Variants in IPO11 observed in about 807,000 individuals in gnomAD.
IPO11 encodes importin-11.
A neutral mutation model predicts 143.2 loss-of-function variants in IPO11; 66 were observed. That is an observed-to-expected ratio of 0.46 (90% CI 0.38 to 0.57). IPO11 has a LOEUF of 0.57. IPO11 is among the 20% of genes least tolerant of loss of function. The pLI is 0.00. For missense variants in IPO11, 1,026 were observed against 1,141.0 expected (o/e 0.90, Z 1.45); for synonymous variants, 385 against 377.8 (o/e 1.02, Z -0.22).
At position 62,591,926 on chromosome 5, in the gene IPO11, C is replaced by T. The variant is rs533693106; in HGVS notation, c.2678+254C>T. On this transcript the variant is annotated intron_variant, in intron 28 of 29. Coordinates refer to ENST00000325324, the MANE Select transcript of IPO11 (RefSeq NM_016338.5). The stretch of plus-strand genomic sequence containing the variant: ...GTGCAGTGGTGCGATCTCAGCTAAC[C>T]GCAACCTCCGCCTCCCAGGTTCAAG... Among the ~76,000 whole-genome samples the T allele has an allele frequency of 4.1e-4, 62 of 152,214 alleles. 1 individual carries two copies. The highest frequency in any genetic ancestry group is 1.4e-3 in the African/African-American group (59 of 41,538).
At chr5:62,588,087 C>T (rs377281462) in intron 27 of IPO11, among the ~76,000 whole-genome samples, 4 of 152,304 alleles carry the variant, frequency 2.6e-5, no homozygotes, top group African/African-American at 9.6e-5. Flanking sequence ...CATGGCCTTA[C>T]AGTTGGACTT....
At chr5:62,527,618 A>G (rs1742410433) in intron 21 of IPO11, among the ~76,000 whole-genome samples, 1 of 152,220 alleles carries the variant, frequency 6.6e-6, no homozygotes, top group Admixed American at 6.5e-5. Context: ...TATTACTGAC[A>G]ATATATTAAT....
chr5:62,448,999 T>C (rs1744815335), intron 3 of IPO11, among the ~76,000 whole-genome samples: 1 of 152,288 alleles, frequency 6.6e-6, no homozygotes, highest in African/African-American at 2.4e-5. Flanking sequence ...TGAAAAACCT[T>C]AAAATGAGGC....
At chr5:62,586,198 C>T (rs538065383) in intron 27 of IPO11, among the ~76,000 whole-genome samples, 5 of 152,174 alleles carry the variant, frequency 3.3e-5, no homozygotes, top group South Asian at 4.2e-4. Flanking sequence ...AAACAGTAAA[C>T]GTGTTTATAT....
chr5:62,622,843 A>G (rs1746423734), intron 29 of IPO11, among the ~76,000 whole-genome samples: 3 of 152,248 alleles, frequency 2.0e-5, no homozygotes, highest in African/African-American at 7.2e-5. Context: ...CATGAAGTCT[A>G]GATCCCAGTG....
intron 16 of IPO11, among the ~76,000 whole-genome samples, chr5:62,501,996 G>A (rs1741362581): frequency 6.6e-6 from 1 of 152,152 alleles, no homozygotes; most frequent in African/African-American, 2.4e-5. Flanking sequence ...AAAGTGGTCA[G>A]GCATTAGGCT....
rs556213703 is a variant in IPO11, at chr5:62,570,670, C to T, written c.2582+9413C>T. Among the ~76,000 whole-genome samples the T allele has an allele frequency of 2.0e-5, 3 of 152,294 alleles. No homozygotes were observed. The East Asian group carries it at 5.8e-4, about 29-fold the overall frequency. ...GACTATTTAGGAAAGTTTCTGAATG[C>T]TTGTTAATTTGATACTACGTTCTCA... On this transcript the variant is annotated intron_variant, in intron 27 of 29. Coordinates refer to ENST00000325324, the MANE Select transcript of IPO11 (RefSeq NM_016338.5).
At chr5:62,600,311 G>T (rs745419147) in intron 28 of IPO11, among the ~76,000 whole-genome samples, 4 of 152,190 alleles carry the variant, frequency 2.6e-5, no homozygotes, top group Admixed American at 6.5e-5. Context: ...CTCCCAAAGT[G>T]CTGGGATTAC....
At chr5:62,447,191 T>C (rs1355647706) in intron 3 of IPO11, among the ~76,000 whole-genome samples, 1 of 152,084 alleles carries the variant, frequency 6.6e-6, no homozygotes, top group Non-Finnish European at 1.5e-5. Flanking sequence ...GTGTAACCTC[T>C]AACTCCTGGG....
chr5:62,531,080 T>G (rs548416361), intron 22 of IPO11, among the ~76,000 whole-genome samples: 1 of 152,308 alleles, frequency 6.6e-6, no homozygotes, highest in East Asian at 1.9e-4. Context: ...ATTATGTCCT[T>G]GAGTACTCAA....
chr5:62,440,857 G>A (rs1181059838), intron 2 of IPO11, among the ~76,000 whole-genome samples: 1 of 151,828 alleles, frequency 6.6e-6, no homozygotes, highest in Non-Finnish European at 1.5e-5. Context: ...CAGCTATTCG[G>A]GAGGTTGAGG....
At chr5:62,429,662 C>T (rs1224065748) in intron 1 of IPO11, among the ~76,000 whole-genome samples, 6 of 149,850 alleles carry the variant, frequency 4.0e-5, no homozygotes, top group African/African-American at 7.4e-5. Flanking sequence ...CTCGCTCTGT[C>T]GTCCAGACTG....
intron 6 of IPO11, among the ~76,000 whole-genome samples, chr5:62,468,886 G>A (rs1745659477): frequency 6.6e-6 from 1 of 152,040 alleles, no homozygotes; most frequent in Non-Finnish European, 1.5e-5. Flanking sequence ...TTTTTGTTTT[G>A]TGTAATCTCT....
chr5:62,499,060 G>A (rs759153677), intron 16 of IPO11, among the ~76,000 whole-genome samples: 13 of 152,190 alleles, frequency 8.5e-5, no homozygotes, highest in Non-Finnish European at 1.8e-4. Context: ...GTGAAGCAAA[G>A]AAATGGCCGT....
intron 2 of IPO11, among the ~76,000 whole-genome samples, chr5:62,440,442 C>T (rs1398546524): frequency 2.7e-5 from 4 of 150,226 alleles, no homozygotes; most frequent in Non-Finnish European, 5.9e-5. Flanking sequence ...GCAACTTCTG[C>T]CTCCTGGGTT....
At chr5:62,417,881 G>A (rs1743359226) in intron 1 of IPO11, among the ~76,000 whole-genome samples, 2 of 152,132 alleles carry the variant, frequency 1.3e-5, no homozygotes, top group African/African-American at 4.8e-5. Context: ...GCACCAATCA[G>A]TTGGAAAAGC....
chr5:62,491,318 C>G (rs1746600536), intron 15 of IPO11, among the ~76,000 whole-genome samples: 1 of 152,174 alleles, frequency 6.6e-6, no homozygotes, highest in African/African-American at 2.4e-5. Context: ...ATTTTTAACA[C>G]TTGGAATTTG....
chr5:62,571,355 A>G (rs1442965622), intron 27 of IPO11, among the ~76,000 whole-genome samples: 3 of 152,162 alleles, frequency 2.0e-5, no homozygotes, highest in East Asian at 3.9e-4. Context: ...TCATATTTCA[A>G]ATGGAAGCAG....
At position 62,526,461 on chromosome 5, in the gene IPO11, T is replaced by G. The variant is rs116147793; in HGVS notation, c.2012+204T>G. 812 of 394,516 alleles carry G rather than the reference T, an allele frequency of 2.1e-3. 11 individuals carry two copies. The highest frequency in any genetic ancestry group is 0.015 in the African/African-American group (741 of 48,636). 24.4% of individuals were successfully genotyped at this position (394,516 alleles called of 1,614,324 possible). ...GTAGACAAAGTTAAAGGGGGACATT[T>G]CAATAGGAACTCAGCTGCATTTCAT... On this transcript the variant is annotated intron_variant, in intron 21 of 29. Coordinates refer to ENST00000325324, the MANE Select transcript of IPO11 (RefSeq NM_016338.5).
Sources: allele counts gnomAD v4.1 joint callset (sites outside exome capture counted in the v4.1 genomes callset), GRCh38; gene constraint gnomAD v4.1.1; transcripts MANE v1.5; gene names NCBI Gene and HGNC (gene_info 2026-07-23, HGNC 2026-07-21).